The following CLYBL variants were observed in gnomAD, a reference collection of about 807,000 sequenced individuals.
CLYBL encodes citramalyl-CoA lyase, also known as citramalyl-CoA lyase, mitochondrial.
CLYBL carries 31 observed loss-of-function variants against 38.9 expected under a neutral mutation model. The observed-to-expected ratio is 0.80, with a 90% CI of 0.60 to 1.08. CLYBL has a LOEUF of 1.08. Ranked by LOEUF, CLYBL falls within the 50% of genes least tolerant of loss-of-function variation. The pLI is 0.00. For synonymous variants in CLYBL, 171 were observed against 158.6 expected (o/e 1.08, Z -0.59); for missense variants, 434 against 411.6 (o/e 1.05, Z -0.47).
chr13:99,666,636 G>T (rs542484961), intron 1 of CLYBL, among the ~76,000 whole-genome samples: 1 of 152,260 alleles, frequency 6.6e-6, no homozygotes, highest in South Asian at 2.1e-4. Flanking sequence ...GAGTGGCTTG[G>T]AATTGCTTTC....
chr13:99,647,252 AAAC>A (rs1449061561), intron 1 of CLYBL, among the ~76,000 whole-genome samples: 1 of 152,222 alleles, frequency 6.6e-6, no homozygotes, highest in African/African-American at 2.4e-5. Context: ...CAGCTCAAGA[AAAC>A]AATAGGTAGG....
chr13:99,822,541 C>T (rs1215288230), intron 2 of CLYBL, among the ~76,000 whole-genome samples: 1 of 152,184 alleles, frequency 6.6e-6, no homozygotes, highest in African/African-American at 2.4e-5. Context: ...CACGGGTCAC[C>T]CCAGCAGACC....
chr13:99,648,949 C>T (rs1026602292), intron 1 of CLYBL, among the ~76,000 whole-genome samples: 1 of 148,868 alleles, frequency 6.7e-6, no homozygotes, highest in East Asian at 1.9e-4. Context: ...AACCCATCCC[C>T]AAAATTTTCT....
At chr13:99,835,416 A>G (rs968132193) in intron 2 of CLYBL, among the ~76,000 whole-genome samples, 12 of 152,098 alleles carry the variant, frequency 7.9e-5, no homozygotes, top group Non-Finnish European at 1.6e-4. Context: ...TCACCCTACC[A>G]TGTTTGAGTT....
Position 99,754,590 on chromosome 13 carries a change from G to GT in CLYBL, c.63-18223dup, listed in dbSNP as rs1439018203. Among the ~76,000 whole-genome samples, 331 of 142,494 alleles carry GT rather than the reference G, an allele frequency of 2.3e-3. 1 individual carries two copies. Among genetic ancestry groups the GT allele is most frequent in the Non-Finnish European group, 2.7e-3 (177 of 64,778 alleles). 93.5% of individuals were successfully genotyped at this position (142,494 alleles called of 152,430 possible). A position where few individuals can be genotyped will look rare whatever the true frequency, so the allele number is the denominator to read the frequency against. On this transcript the variant is annotated intron_variant, in intron 1 of 8. Transcript: ENST00000339105. ...TAGATGATCTTTTTTTGTTGTTGTT[G>GT]TTTTTTTTTTTGGAGACAAAGTCGC...
chr13:99,814,762 G>A (rs1186623466), intron 2 of CLYBL, among the ~76,000 whole-genome samples: 1 of 151,230 alleles, frequency 6.6e-6, no homozygotes, highest in Non-Finnish European at 1.5e-5. Context: ...TGGGCGTGGT[G>A]GCTAAAGCCT....
intron 1 of CLYBL, among the ~76,000 whole-genome samples, chr13:99,621,570 C>T (rs561661869): frequency 6.6e-6 from 1 of 152,208 alleles, no homozygotes; most frequent in African/African-American, 2.4e-5. Context: ...TGATTTTCCC[C>T]TTCAGGTGCC....
chr13:99,794,327 G>A (rs2049978648), intron 2 of CLYBL, among the ~76,000 whole-genome samples: 1 of 152,062 alleles, frequency 6.6e-6, no homozygotes, highest in African/African-American at 2.4e-5. Context: ...GGCTGAGGCA[G>A]GAGGATCACT....
chr13:99,697,398 A>G (rs2047995847), intron 1 of CLYBL, among the ~76,000 whole-genome samples: 1 of 152,104 alleles, frequency 6.6e-6, no homozygotes, highest in Non-Finnish European at 1.5e-5. Context: ...TACTTTTGAG[A>G]CAAGGTCGCT....
intron 8 of CLYBL, among the ~76,000 whole-genome samples, chr13:99,902,992 A>G (rs1196998833): frequency 6.6e-6 from 1 of 152,188 alleles, no homozygotes; most frequent in African/African-American, 2.4e-5. Context: ...TTCTAATCCA[A>G]ATACTGAACT....
downstream of CLYBL, among the ~76,000 whole-genome samples, chr13:99,898,314 C>T (rs565898368): frequency 6.6e-6 from 1 of 152,158 alleles, no homozygotes; most frequent in Admixed American, 6.5e-5. Context: ...TAGAGAGTTT[C>T]TTCCAAAGAC....
At chr13:99,851,705 A>G (rs1280497756) in intron 2 of CLYBL, among the ~76,000 whole-genome samples, 2 of 152,162 alleles carry the variant, frequency 1.3e-5, no homozygotes, top group Non-Finnish European at 2.9e-5. Context: ...GAGCATGTGG[A>G]GCAGTTGGAA....
chr13:99,651,488 T>C (rs1245963880), intron 1 of CLYBL, among the ~76,000 whole-genome samples: 7 of 152,086 alleles, frequency 4.6e-5, no homozygotes, highest in Non-Finnish European at 1.0e-4. Context: ...GAGAATCGCT[T>C]GAACCCAGGA....
chr13:99,789,794 G>A (rs766793585), intron 2 of CLYBL, among the ~76,000 whole-genome samples: 31 of 152,138 alleles, frequency 2.0e-4, no homozygotes, highest in Non-Finnish European at 4.0e-4. Flanking sequence ...TGTTGACTGT[G>A]GGGTGTTAAA....
chr13:99,755,638 T>C (rs937620386), intron 1 of CLYBL, among the ~76,000 whole-genome samples: 3 of 152,256 alleles, frequency 2.0e-5, no homozygotes, highest in African/African-American at 7.2e-5. Flanking sequence ...AGCATGCCAC[T>C]GTTGCCCTTC....
intron 2 of CLYBL, among the ~76,000 whole-genome samples, chr13:99,809,424 G>T (rs567040422): frequency 6.6e-6 from 1 of 152,318 alleles, no homozygotes; most frequent in African/African-American, 2.4e-5. Flanking sequence ...AAGTCCAGAG[G>T]CACTTCATTT....
intron 1 of CLYBL, among the ~76,000 whole-genome samples, chr13:99,689,466 A>C (rs927687102): frequency 2.0e-5 from 3 of 152,272 alleles, no homozygotes; most frequent in Non-Finnish European, 1.5e-5. Context: ...GCTTAAAGGA[A>C]GAAAAAGGCA....
At chr13:99,674,345 G>A (rs753543388) in intron 1 of CLYBL, among the ~76,000 whole-genome samples, 3 of 151,342 alleles carry the variant, frequency 2.0e-5, no homozygotes, top group Non-Finnish European at 4.4e-5. Flanking sequence ...AAAGACAGGG[G>A]TTCACCATGT....
chr13:99,656,725 A>T (rs1174590042), intron 1 of CLYBL, among the ~76,000 whole-genome samples: 4 of 152,324 alleles, frequency 2.6e-5, no homozygotes, highest in Non-Finnish European at 4.4e-5. Flanking sequence ...AAATTTTTTT[A>T]AAATTTCCAT....
Sources: allele counts gnomAD v4.1 joint callset (sites outside exome capture counted in the v4.1 genomes callset), GRCh38; gene constraint gnomAD v4.1.1; transcripts MANE v1.5; gene names NCBI Gene and HGNC (gene_info 2026-07-23, HGNC 2026-07-21).